Variants in SAMD12 observed in about 807,000 individuals in gnomAD.
The protein encoded by SAMD12 is sterile alpha motif domain containing 12.
A neutral mutation model predicts 15.0 loss-of-function variants in SAMD12; 9 were observed. The ratio of observed to expected loss-of-function variants is 0.60; its 90% CI spans 0.36 to 1.05. SAMD12 has a LOEUF of 1.05. Among genes scored for constraint, SAMD12 ranks in the 50% least tolerant of loss-of-function variants. The probability of loss-of-function intolerance (pLI) is 0.01; values close to 1 mark genes in which losing one functional copy is unlikely to be tolerated. For missense variants in SAMD12, 230 were observed against 234.2 expected, an observed-to-expected ratio of 0.98 and a Z score of 0.12; for synonymous variants, 86 against 90.1, an observed-to-expected ratio of 0.96 and a Z score of 0.25.
intron 4 of SAMD12, among the ~76,000 whole-genome samples, chr8:118,368,457 C>A (rs1448991011): frequency 6.6e-6 from 1 of 152,032 alleles, no homozygotes; most frequent in East Asian, 1.9e-4. Context: ...CATTTAAGGA[C>A]TGAAAATATT....
At chr8:118,558,079 T>C (rs1185001000) in intron 2 of SAMD12, among the ~76,000 whole-genome samples, 2 of 152,200 alleles carry the variant, frequency 1.3e-5, no homozygotes, top group Non-Finnish European at 2.9e-5. Context: ...AATTCTACAA[T>C]TAACATCTCT....
At chr8:118,198,809 T>C (rs1208465391) in intron 4 of SAMD12, among the ~76,000 whole-genome samples, 2 of 152,166 alleles carry the variant, frequency 1.3e-5, no homozygotes, top group Non-Finnish European at 2.9e-5. Flanking sequence ...GGAAAAATAA[T>C]GTCAATTTAT....
intron 4 of SAMD12, among the ~76,000 whole-genome samples, chr8:118,346,519 G>A (rs556244846): frequency 2.6e-5 from 4 of 152,314 alleles, no homozygotes. Flanking sequence ...CCTCTAACTT[G>A]TGGGATTGAA....
In SAMD12 at chr8:118,306,323, T is replaced by C. The variant is rs117885692; in HGVS notation, c.433+73237A>G. Among the ~76,000 whole-genome samples the C allele has an allele frequency of 2.8e-3, 425 of 152,250 alleles. 7 individuals are homozygous for C. In the East Asian group the frequency reaches 0.061, roughly 22 times the overall value. On this transcript the variant is annotated intron_variant, in intron 4 of 4. Transcript: ENST00000409003. Reference sequence around the variant, plus strand: ...TCCTCAATATATAATCCATCTAATATGAATATTTAGCTGTGATTCTGCCTC... The same window carrying C: ...TCCTCAATATATAATCCATCTAATACGAATATTTAGCTGTGATTCTGCCTC...
chr8:118,382,921 C>T (rs2130723640), intron 3 of SAMD12, among the ~76,000 whole-genome samples: 1 of 152,216 alleles, frequency 6.6e-6, no homozygotes, highest in African/African-American at 2.4e-5. Context: ...GATTCACGGT[C>T]TTCTTTGGAT....
At chr8:118,525,940 T>A (rs993387265) in intron 2 of SAMD12, among the ~76,000 whole-genome samples, 4 of 152,200 alleles carry the variant, frequency 2.6e-5, no homozygotes, top group Non-Finnish European at 5.9e-5. Context: ...TTGACATCAG[T>A]GAAAGTTCAT....
At chr8:118,277,581 T>TAAA (rs1373853636) in intron 4 of SAMD12, among the ~76,000 whole-genome samples, 1 of 125,226 alleles carries the variant, frequency 8.0e-6, no homozygotes, top group Non-Finnish European at 1.7e-5. Context: ...GTCTCCTGAG[T>TAAA]AAAAAAAAAA....
intron 3 of SAMD12, among the ~76,000 whole-genome samples, chr8:118,383,468 A>G (rs1421766164): frequency 6.6e-6 from 1 of 152,144 alleles, no homozygotes. Context: ...ATTTTTTTAA[A>G]GTTGCCACAT....
chr8:118,568,558 G>C (rs1355225770), intron 2 of SAMD12, among the ~76,000 whole-genome samples: 1 of 152,152 alleles, frequency 6.6e-6, no homozygotes, highest in African/African-American at 2.4e-5. Context: ...TGAAAACATT[G>C]CTTAAGAAGA....
intron 2 of SAMD12, among the ~76,000 whole-genome samples, chr8:118,447,266 A>G (rs1291917610): frequency 6.6e-6 from 1 of 151,230 alleles, no homozygotes; most frequent in Non-Finnish European, 1.5e-5. Context: ...CAAACAGGTC[A>G]TCCTGTTCTT....
chr8:118,341,377 A>G (rs1051670574), intron 4 of SAMD12, among the ~76,000 whole-genome samples: 1 of 152,226 alleles, frequency 6.6e-6, no homozygotes, highest in Non-Finnish European at 1.5e-5. Context: ...CCCACCTCTC[A>G]AGTAAAGAAA....
intron 4 of SAMD12, among the ~76,000 whole-genome samples, chr8:118,205,855 A>G (rs1472359752): frequency 6.6e-6 from 1 of 152,180 alleles, no homozygotes; most frequent in Non-Finnish European, 1.5e-5. Context: ...ACACACATTG[A>G]GAACGTGAGA....
At chr8:118,484,782 C>A (rs993321516) in intron 2 of SAMD12, among the ~76,000 whole-genome samples, 3 of 152,008 alleles carry the variant, frequency 2.0e-5, no homozygotes, top group African/African-American at 7.3e-5. Context: ...CAGAAGATGG[C>A]CAGAAAAAAA....
chr8:118,573,461 G>C (rs886190309), intron 2 of SAMD12, among the ~76,000 whole-genome samples: 2 of 152,088 alleles, frequency 1.3e-5, no homozygotes, highest in Non-Finnish European at 2.9e-5. Context: ...TAACACAGTG[G>C]GTCAAATGGT....
chr8:118,269,997 C>T (rs1813309164), intron 4 of SAMD12, among the ~76,000 whole-genome samples: 1 of 152,128 alleles, frequency 6.6e-6, no homozygotes, highest in African/African-American at 2.4e-5. Context: ...TATTTAGTGT[C>T]TGCCACAATA....
chr8:118,179,315 T>C, the SAMD12 span, among the ~76,000 whole-genome samples: 1 of 151,714 alleles, frequency 6.6e-6, no homozygotes, highest in African/African-American at 2.4e-5. Flanking sequence ...CGCATGCCTG[T>C]AATCCCAGCT....
At position 118,259,000 on chromosome 8, in the gene SAMD12, TA is replaced by T. The variant is rs1586393885; in HGVS notation, c.434-61269del. On this transcript the variant is annotated intron_variant, in intron 4 of 4. Coordinates refer to the SAMD12 transcript ENST00000409003. ...TCTATGAAAAGCTGGCTGACCACTT[TA>T]AAAATCCTCAGCAGACTAGAAATAG... 2.6e-5 allele frequency among the ~76,000 whole-genome samples: 4 copies of T among 152,206 alleles called. No homozygotes were observed. In the East Asian group the frequency reaches 7.8e-4, roughly 29 times the overall value.
chr8:118,621,665 A>C (rs1828410874), intron 1 of SAMD12, 139 bp downstream of exon 1: 1 of 935,594 alleles, frequency 1.1e-6, no homozygotes, highest in South Asian at 1.4e-5. Flanking sequence ...GGTGAGTGCC[A>C]AGAGGTGGAG....
intron 3 of SAMD12, among the ~76,000 whole-genome samples, chr8:118,426,994 C>T (rs930861087): frequency 5.3e-5 from 8 of 152,286 alleles, no homozygotes; most frequent in East Asian, 1.9e-4. Context: ...CTCAGACGAG[C>T]AGAATCTCAA....
Sources: allele counts gnomAD v4.1 joint callset (sites outside exome capture counted in the v4.1 genomes callset), GRCh38; gene constraint gnomAD v4.1.1; transcripts MANE v1.5; gene names NCBI Gene and HGNC (gene_info 2026-07-23, HGNC 2026-07-21).